Variants in ZDHHC1 observed in about 807,000 individuals in gnomAD.
The protein encoded by ZDHHC1 is zDHHC palmitoyltransferase 1.
A neutral mutation model predicts 46.9 loss-of-function variants in ZDHHC1; 45 were observed. The ratio of observed to expected loss-of-function variants is 0.96; its 90% CI spans 0.76 to 1.23. The LOEUF (loss-of-function observed/expected upper bound fraction) is 1.23. Ranked by LOEUF, ZDHHC1 falls within the 50% of genes most tolerant of loss-of-function variation. The pLI is 0.00. For synonymous variants in ZDHHC1, 291 were observed against 286.0 expected (o/e 1.02, Z -0.18); for missense variants, 649 against 670.8 (o/e 0.97, Z 0.36).
chr16:67,394,989 G>A lies in ZDHHC1; in HGVS notation c.1165+13C>T, dbSNP rs779218864. The A allele has an allele frequency of 1.3e-5, 21 of 1,604,942 alleles. No individual in the cohort carries two copies. The highest frequency in any genetic ancestry group is 1.7e-5 in the Non-Finnish European group (20 of 1,175,934). On this transcript the variant is annotated intron_variant, in intron 11 of 11. Coordinates refer to ENST00000565726, the MANE Select transcript of ZDHHC1 (RefSeq NM_001323627.2). ...GTTCCCAGAGCAGGACCCGGACAGG[G>A]AGAGGCGCTCACCCGACGCCGGATC...
chr16:67,395,052 T>C lies in ZDHHC1; in HGVS notation c.1115A>G (p.Lys372Arg). The change falls in exon 11 of 12, where the codon AAG becomes AGG. Residue 372 changes from lysine (K) to arginine (R), a missense_variant. Coordinates refer to ENST00000565726, the MANE Select transcript of ZDHHC1 (RefSeq NM_001323627.2). ...PPRIRPQKKR[K>R]RRVYKVRTSE... ...CGTTCGCACTTTATACACGCGCCTC[T>C]TCCTCTTTTTCTGCAGAGACACGGG... The C allele has an allele frequency of 6.2e-7, 1 of 1,613,260 alleles. No homozygotes were observed. Among genetic ancestry groups the C allele is most frequent in the Non-Finnish European group, 8.5e-7 (1 of 1,179,886 alleles).
chr16:67,396,674 G>A (rs2142223594), intron 8 of ZDHHC1, among the ~76,000 whole-genome samples: 1 of 152,322 alleles, frequency 6.6e-6, no homozygotes, highest in South Asian at 2.1e-4. Flanking sequence ...GGGGTGTGGG[G>A]GCGCCAGCCT....
intron 11 of ZDHHC1, 22 bp from the exon 12 acceptor site, chr16:67,394,915 G>C (rs1017847335): frequency 6.4e-7 from 1 of 1,569,300 alleles, no homozygotes; most frequent in Non-Finnish European, 8.6e-7. Flanking sequence ...AAGGGAACAT[G>C]AGCCCAGTGG....
intron 1 of ZDHHC1, 77 bp downstream of exon 1, chr16:67,416,094 C>G (rs1226279440): frequency 6.6e-6 from 1 of 152,308 alleles, no homozygotes; most frequent in African/African-American, 2.4e-5. Flanking sequence ...GAGCCCAAAG[C>G]CGGCCAGGCG....
chr16:67,408,077 G>T (rs1312541785), intron 1 of ZDHHC1, among the ~76,000 whole-genome samples: 1 of 152,202 alleles, frequency 6.6e-6, no homozygotes, highest in East Asian at 1.9e-4. Flanking sequence ...TATTTGAAGT[G>T]ACCTCTGAGT....
chr16:67,410,644 A>AATTATT (rs58905759), intron 1 of ZDHHC1, among the ~76,000 whole-genome samples: 2,336 of 147,672 alleles, frequency 0.016, 15 homozygotes, highest in Non-Finnish European at 0.025. Flanking sequence ...TACCTTAATT[A>AATTATT]ATTATTATTA....
At position 67,398,662 on chromosome 16, in the gene ZDHHC1, G is replaced by A. The variant is rs539814371; in HGVS notation, c.725C>T (p.Ala242Val). Residue 242 changes from alanine (A) to valine (V), a missense_variant, in exon 7 of 12, where the codon GCC becomes GTC. Physicochemically the swap from Ala to Val is moderately conservative, Grantham distance 64. Transcript: ENST00000565726. The part of the protein sequence containing the change: ...PAAPVETQAP[A>V]ILALAALLIL... ...GAGCAGGGCGGCCAGGGCCAGGATGGCAGGGGCCTGGGTCTCCACGGGGGC... is the reference window on the plus strand; with the variant it reads ...GAGCAGGGCGGCCAGGGCCAGGATGACAGGGGCCTGGGTCTCCACGGGGGC... The A allele has an allele frequency of 6.2e-6, 10 of 1,607,704 alleles. No homozygotes were observed. Among genetic ancestry groups the A allele is most frequent in the Non-Finnish European group, 7.6e-6 (9 of 1,177,970 alleles).
At chr16:67,408,430 C>G (rs569589815) in intron 1 of ZDHHC1, among the ~76,000 whole-genome samples, 1 of 151,850 alleles carries the variant, frequency 6.6e-6, no homozygotes, top group Admixed American at 6.6e-5. Flanking sequence ...CAGCCTTGGC[C>G]TCCCAAAGTG....
At chr16:67,395,388 C>T (rs1463978905) in intron 9 of ZDHHC1, 96 bp downstream of exon 9, 1 of 1,530,414 alleles carries the variant, frequency 6.5e-7, no homozygotes, top group Non-Finnish European at 8.8e-7. Flanking sequence ...AGGGCCTGAC[C>T]CATGCCCCGA....
Position 67,394,587 on chromosome 16 carries a change from G to T in ZDHHC1, c.*23C>A. ...AGAGTCAGGCCGGCCGCTCTAACTCGGCCCTCCGGCCTCTCGGCCCAGCTA... is the reference window on the plus strand; with the variant it reads ...AGAGTCAGGCCGGCCGCTCTAACTCTGCCCTCCGGCCTCTCGGCCCAGCTA... On this transcript the variant is annotated 3_prime_UTR_variant, in exon 12 of 12. Coordinates refer to ENST00000565726, the MANE Select transcript of ZDHHC1 (RefSeq NM_001323627.2). 1 of 1,159,356 alleles carries T rather than the reference G, an allele frequency of 8.6e-7. No homozygotes were observed. Among genetic ancestry groups the T allele is most frequent in the Non-Finnish European group, 1.1e-6 (1 of 941,834 alleles). 71.8% of individuals were successfully genotyped at this position (1,159,356 alleles called of 1,614,324 possible).
At chr16:67,413,186 C>A (rs1272624233) in intron 1 of ZDHHC1, among the ~76,000 whole-genome samples, 2 of 152,096 alleles carry the variant, frequency 1.3e-5, no homozygotes, top group Middle Eastern at 3.4e-3. Context: ...TTTATGCAAG[C>A]CTCCCACCTT....
In ZDHHC1 at chr16:67,408,418, G is replaced by A. The variant is rs894802019; in HGVS notation, c.-38-605C>T. On this transcript the variant is annotated intron_variant, in intron 1 of 11. Transcript: ENST00000565726. ...CCTGGACTCCAGACTCAAGAGATCC[G>A]CCAGCCTTGGCCTCCCAAAGTGCTG... Among the ~76,000 whole-genome samples the A allele has an allele frequency of 4.0e-5, 6 of 150,868 alleles. No individual in the cohort carries two copies. The East Asian group carries it at 1.0e-3, about 25-fold the overall frequency.
Position 67,394,795 on chromosome 16 carries a change from A to T in ZDHHC1, c.1264T>A (p.Ser422Thr). ...GGAATCTCGTCCACGGACTCTGCCG[A>T]CGCCGAGTGGTAGGCGCCGGCAGGG... ...AGPAGAYHSA[S>T]AESVDEIPVA... Residue 422 changes from serine to threonine, a missense_variant, in exon 12 of 12, where the codon TCG becomes ACG. Transcript: ENST00000565726. 1 of 1,535,714 alleles carries T rather than the reference A, an allele frequency of 6.5e-7. No homozygotes were observed. The highest frequency in any genetic ancestry group is 8.7e-7 in the Non-Finnish European group (1 of 1,145,718).
At chr16:67,411,987 C>G (rs1270974315) in intron 1 of ZDHHC1, among the ~76,000 whole-genome samples, 2 of 152,038 alleles carry the variant, frequency 1.3e-5, no homozygotes, top group Non-Finnish European at 2.9e-5. Flanking sequence ...GTGGTGCGGG[C>G]CTGTAGACCC....
Position 67,399,335 on chromosome 16 carries a change from T to TGC in ZDHHC1, c.530+18_530+19dup. On this transcript the variant is annotated intron_variant, in intron 5 of 11. Transcript: ENST00000565726. The stretch of plus-strand genomic sequence containing the variant: ...CAGACAGTGCATCCCCAGGCCCGCG[T>TGC]GCGGCCGGGCTGTCCTCACCGGTAG... The TGC allele has an allele frequency of 2.5e-6, 4 of 1,599,410 alleles. No individual in the cohort carries two copies. The highest frequency in any genetic ancestry group is 3.4e-6 in the Non-Finnish European group (4 of 1,169,848).
Position 67,401,063 on chromosome 16 carries a change from C to T in ZDHHC1, c.322G>A (p.Ala108Thr). The T allele has an allele frequency of 1.2e-6, 2 of 1,614,162 alleles. No homozygotes were observed. The highest frequency in any genetic ancestry group is 1.1e-5 in the South Asian group (1 of 91,084). The part of the protein sequence containing the change: ...LTAVSIDPAD[A>T]NVRDKSYAGP... ...GCATAGCTCTTGTCCCGCACGTTGGCATCTGCTGGATCGATGGAGACGGCG... is the reference window on the plus strand; with the variant it reads ...GCATAGCTCTTGTCCCGCACGTTGGTATCTGCTGGATCGATGGAGACGGCG... Residue 108 changes from alanine to threonine, a missense_variant, in exon 4 of 12, where the codon GCC becomes ACC. Coordinates refer to ENST00000565726, the MANE Select transcript of ZDHHC1 (RefSeq NM_001323627.2). The surrounding 1 kb of genome is among the most constrained non-coding windows in gnomAD (Gnocchi z 4.6).
In ZDHHC1 at chr16:67,398,237, C is replaced by T; in HGVS notation, c.902G>A (p.Cys301Tyr). ...CTGAATGGGCCGCATCTTGGGAGGA[C>T]ATGACTCGAGCTCCCTGTGAACCCC... ...AKGVHRELES[C>Y]PPKMRPIQEM... Residue 301 changes from cysteine to tyrosine, a missense_variant, in exon 8 of 12, where the codon TGT becomes TAT. Cys to Tyr is a radical substitution (Grantham distance 194, BLOSUM62 -2). Coordinates refer to ENST00000565726, the MANE Select transcript of ZDHHC1 (RefSeq NM_001323627.2). The T allele has an allele frequency of 6.2e-7, 1 of 1,614,162 alleles. No individual in the cohort carries two copies. Among genetic ancestry groups the T allele is most frequent in the Non-Finnish European group, 8.5e-7 (1 of 1,180,022 alleles).
chr16:67,399,908 T>C (rs2040516464), intron 4 of ZDHHC1, among the ~76,000 whole-genome samples: 1 of 152,160 alleles, frequency 6.6e-6, no homozygotes, highest in Admixed American at 6.5e-5. Flanking sequence ...ATAGGAATGG[T>C]ACTGGCATTT....
At position 67,400,960 on chromosome 16, in the gene ZDHHC1, T is replaced by C. The variant is rs201140096; in HGVS notation, c.425A>G (p.Asp142Gly). Reference sequence around the variant, plus strand: ...ACAAGCACCCACACACACTCACACATCCACGTTGCACAAGTTGCAGTGCAG... The same window carrying C: ...ACAAGCACCCACACACACTCACACACCCACGTTGCACAAGTTGCAGTGCAG... ...EDLHCNLCNV[D>G]VSARSKHCSA... The change falls in exon 4 of 12, where the codon GAT (aspartate) becomes GGT (glycine). Residue 142 changes from aspartate to glycine, a missense_variant. Coordinates refer to ENST00000565726, the MANE Select transcript of ZDHHC1 (RefSeq NM_001323627.2). 3 of 1,613,604 alleles carry C rather than the reference T, an allele frequency of 1.9e-6. No homozygotes were observed.
Sources: gnomAD v4.1 joint callset for allele counts (sites outside exome capture counted in the v4.1 genomes callset) on GRCh38, gnomAD v4.1.1 for gene constraint, Gnocchi (gnomAD v3.1) non-coding constraint, MANE v1.5 for transcripts, NCBI Gene and HGNC (gene_info 2026-07-23, HGNC 2026-07-21) for gene names.